KCNN2: variants seen among roughly 807,000 people sequenced by gnomAD.
KCNN2 encodes potassium calcium-activated channel subfamily N member 2.
Under a neutral mutation model 55.5 loss-of-function variants are expected in KCNN2, and 24 were observed. That is an observed-to-expected ratio of 0.43 (90% CI 0.31 to 0.61). KCNN2 has a LOEUF of 0.61. Among genes scored for constraint, KCNN2 ranks in the 20% least tolerant of loss-of-function variants. KCNN2 has a pLI of 0.08. For synonymous variants in KCNN2, 431 were observed against 336.1 expected (o/e 1.28, Z -3.09); for missense variants, 754 against 853.6 (o/e 0.88, Z 1.45).
At chr5:114,424,070 A>C (rs1759548263) in intron 3 of KCNN2, among the ~76,000 whole-genome samples, 3 of 152,198 alleles carry the variant, frequency 2.0e-5, no homozygotes, top group African/African-American at 7.2e-5. Flanking sequence ...TATGTTCCCA[A>C]ATTCTTTCTT....
At chr5:114,122,087 C>T (rs1375276953) in intron 1 of KCNN2, among the ~76,000 whole-genome samples, 4 of 152,160 alleles carry the variant, frequency 2.6e-5, no homozygotes, top group Admixed American at 2.6e-4. Context: ...ACAATAACAA[C>T]TTTTGTGAGA....
chr5:114,463,322 T>G, intron 4 of KCNN2, 132 bp downstream of exon 4: 1 of 653,570 alleles, frequency 1.5e-6, no homozygotes, highest in Non-Finnish European at 2.5e-6. Flanking sequence ...AATAAATCAA[T>G]TTTGTGTTGA....
Position 114,072,593 on chromosome 5 carries a change from C to A in KCNN2, c.-271+16093C>A, listed in dbSNP as rs147190262. Among the ~76,000 whole-genome samples the A allele has an allele frequency of 4.0e-3, 613 of 152,246 alleles. 4 individuals carry two copies. Among genetic ancestry groups the A allele is most frequent in the African/African-American group, 0.013 (555 of 41,540 alleles). ...AACTGTGAGCCAAATAAATTTCTGT[C>A]CATTATAAATTACCTAGTCTGTAGT... On this transcript the variant is annotated intron_variant, in intron 1 of 10. Coordinates refer to the KCNN2 transcript ENST00000512097.
chr5:114,109,547 CT>C (rs1361982404), intron 1 of KCNN2, among the ~76,000 whole-genome samples: 4 of 151,986 alleles, frequency 2.6e-5, no homozygotes, highest in Non-Finnish European at 5.9e-5. Context: ...GAGATGCACA[CT>C]TTTTTTTGTC....
At chr5:114,292,018 A>T (rs936002045) in intron 2 of KCNN2, among the ~76,000 whole-genome samples, 1 of 150,908 alleles carries the variant, frequency 6.6e-6, no homozygotes, top group Non-Finnish European at 1.5e-5. Context: ...CATATCCTTC[A>T]CCCACTTTTT....
intron 1 of KCNN2, among the ~76,000 whole-genome samples, chr5:114,176,701 T>A (rs886841778): frequency 3.9e-5 from 6 of 152,182 alleles, no homozygotes; most frequent in African/African-American, 1.2e-4. Flanking sequence ...AGGGTACCAG[T>A]AAGATGTTAA....
chr5:114,114,517 G>A lies in KCNN2; in HGVS notation c.-271+58017G>A, dbSNP rs149179108. 2.0e-5 allele frequency among the ~76,000 whole-genome samples: 3 copies of A among 152,200 alleles called. No homozygotes were observed. The East Asian group carries it at 5.8e-4, about 29-fold the overall frequency. ...GCTTCCCAAAGTGCTGGAGTTATAG[G>A]CGTAAGCTTTTCCAGTCCTTAGTTT... On this transcript the variant is annotated intron_variant, in intron 1 of 10. Transcript: ENST00000512097.
chr5:114,064,346 T>G (rs1750394957), intron 1 of KCNN2, among the ~76,000 whole-genome samples: 1 of 152,190 alleles, frequency 6.6e-6, no homozygotes, highest in African/African-American at 2.4e-5. Flanking sequence ...ATTCTGAGGC[T>G]TCTGAGCCCA....
rs1042040275 is a variant in KCNN2, at chr5:114,328,654, C to A, written c.-184-32291C>A. On this transcript the variant is annotated intron_variant, in intron 2 of 10. Coordinates refer to the KCNN2 transcript ENST00000512097. ...GCCCAGTGCCTGGTCACCTTGAGGC[C>A]CATGGGAAACTGCCTCACCCTTCGG... Among the ~76,000 whole-genome samples the A allele has an allele frequency of 3.3e-5, 5 of 152,082 alleles. No individual in the cohort carries two copies. The South Asian group carries it at 8.3e-4, about 25-fold the overall frequency.
chr5:114,152,750 G>A (rs1361172930), intron 1 of KCNN2, among the ~76,000 whole-genome samples: 2 of 152,274 alleles, frequency 1.3e-5, no homozygotes, highest in South Asian at 2.1e-4. Flanking sequence ...TCTAAAGGAT[G>A]AGTAGGAGTT....
chr5:114,413,822 G>T (rs1334271439), intron 3 of KCNN2, among the ~76,000 whole-genome samples: 8 of 152,150 alleles, frequency 5.3e-5, no homozygotes, highest in Admixed American at 2.0e-4. Flanking sequence ...CTGATGTACA[G>T]ATTTCATGGA....
At chr5:114,202,530 T>G (rs2112573426) in intron 1 of KCNN2, among the ~76,000 whole-genome samples, 1 of 147,592 alleles carries the variant, frequency 6.8e-6, no homozygotes, top group South Asian at 2.1e-4. Flanking sequence ...CTAATGTATA[T>G]ATGCCTAGTA....
At chr5:114,218,599 ATAGT>A (rs1470019461) in intron 1 of KCNN2, among the ~76,000 whole-genome samples, 10 of 152,234 alleles carry the variant, frequency 6.6e-5, no homozygotes, top group South Asian at 4.1e-4. Flanking sequence ...GGACAGATGA[ATAGT>A]TAGAGCACAG....
intron 1 of KCNN2, among the ~76,000 whole-genome samples, chr5:114,142,219 T>C (rs1323173067): frequency 6.6e-6 from 1 of 152,218 alleles, no homozygotes; most frequent in Non-Finnish European, 1.5e-5. Flanking sequence ...GCCTATGTCC[T>C]GAATGGTATT....
chr5:114,122,532 A>G (rs1751847173), intron 1 of KCNN2, among the ~76,000 whole-genome samples: 1 of 152,210 alleles, frequency 6.6e-6, no homozygotes, highest in African/African-American at 2.4e-5. Context: ...AACTGCTAGT[A>G]TAAGACAAGG....
At chr5:114,401,302 C>T (rs180883016) in intron 2 of KCNN2, among the ~76,000 whole-genome samples, 3 of 152,122 alleles carry the variant, frequency 2.0e-5, no homozygotes, top group Non-Finnish European at 4.4e-5. Flanking sequence ...GGAAAGTTAT[C>T]TGGACTCTAT....
chr5:114,379,427 TATATA>T (rs1758035228), intron 2 of KCNN2, among the ~76,000 whole-genome samples: 1 of 139,040 alleles, frequency 7.2e-6, no homozygotes, highest in South Asian at 2.2e-4. Context: ...TGATAAATAT[TATATA>T]ACATATTATA....
At chr5:114,323,833 G>T (rs1756663659) in intron 2 of KCNN2, among the ~76,000 whole-genome samples, 1 of 151,512 alleles carries the variant, frequency 6.6e-6, no homozygotes, top group Non-Finnish European at 1.5e-5. Flanking sequence ...AGTTTTAGTA[G>T]AGATGGGGTT....
intron 2 of KCNN2, among the ~76,000 whole-genome samples, chr5:114,380,273 C>T (rs1308824933): frequency 6.6e-6 from 1 of 152,150 alleles, no homozygotes; most frequent in Non-Finnish European, 1.5e-5. Flanking sequence ...CTCCTGCCTC[C>T]CTCCCCCTGC....
Sources: allele counts gnomAD v4.1 joint callset (sites outside exome capture counted in the v4.1 genomes callset), GRCh38; gene constraint gnomAD v4.1.1; transcripts MANE v1.5; gene names NCBI Gene and HGNC (gene_info 2026-07-23, HGNC 2026-07-21).